CHIC1: variants seen among roughly 807,000 people sequenced by gnomAD.
CHIC1 encodes cysteine-rich hydrophobic domain-containing protein 1.
CHIC1 carries 7 observed loss-of-function variants against 18.5 expected under a neutral mutation model. That is an observed-to-expected ratio of 0.38 (90% CI 0.22 to 0.71). The LOEUF is 0.71. CHIC1 is among the 30% of genes least tolerant of loss of function. CHIC1 has a pLI of 0.49. For missense variants in CHIC1, 159 were observed against 176.9 expected (o/e 0.90, Z 0.57); for synonymous variants, 77 against 73.5 (o/e 1.05, Z -0.25).
intron 3 of CHIC1, among the ~76,000 whole-genome samples, chrX:73,648,802 T>C (rs755979814): frequency 9.0e-6 from 1 of 110,673 alleles, no homozygotes; most frequent in African/African-American, 3.3e-5. Flanking sequence ...CCAGGAGAAA[T>C]TCCCTAACCT....
intron 3 of CHIC1, among the ~76,000 whole-genome samples, chrX:73,671,559 G>C (rs1317768450): frequency 9.0e-6 from 1 of 110,873 alleles, no homozygotes; most frequent in Admixed American, 9.6e-5. Context: ...TATTGTTGAA[G>C]CTCTCTATTG....
At chrX:73,661,446 T>C (rs1324366500) in intron 3 of CHIC1, among the ~76,000 whole-genome samples, 1 of 111,987 alleles carries the variant, frequency 8.9e-6, no homozygotes, top group Non-Finnish European at 1.9e-5. Flanking sequence ...AGTCTCTGGG[T>C]AAGTTGAAAT....
chrX:73,671,174 A>G (rs958079786), intron 3 of CHIC1, among the ~76,000 whole-genome samples: 5 of 111,624 alleles, frequency 4.5e-5, no homozygotes, highest in Non-Finnish European at 9.4e-5. Context: ...CTGTTAGTTG[A>G]TGTGAATTCC....
At chrX:73,637,743 T>G (rs2057837713) in intron 3 of CHIC1, among the ~76,000 whole-genome samples, 1 of 111,677 alleles carries the variant, frequency 9.0e-6, no homozygotes, top group African/African-American at 3.2e-5. Flanking sequence ...TAAATTTTAA[T>G]TTTATCATTT....
chrX:73,667,857 G>A, intron 3 of CHIC1, among the ~76,000 whole-genome samples: 1 of 110,696 alleles, frequency 9.0e-6, no homozygotes, highest in Admixed American at 9.6e-5. Context: ...ATGATCTCGT[G>A]GAGTGTCTTA....
intron 3 of CHIC1, among the ~76,000 whole-genome samples, chrX:73,621,064 GT>G (rs1437040315): frequency 8.9e-6 from 1 of 111,810 alleles, no homozygotes; most frequent in Admixed American, 9.5e-5. Context: ...CTATATATCT[GT>G]TTTTGTACCA....
chrX:73,675,621 G>C (rs1282006249), intron 3 of CHIC1, among the ~76,000 whole-genome samples: 1 of 111,503 alleles, frequency 9.0e-6, no homozygotes, highest in Non-Finnish European at 1.9e-5. Flanking sequence ...GAGCCTATCT[G>C]TGTCTCTGCA....
chrX:73,642,392 A>T (rs1454326686), intron 3 of CHIC1, among the ~76,000 whole-genome samples: 6 of 110,977 alleles, frequency 5.4e-5, no homozygotes, highest in South Asian at 3.8e-4. Flanking sequence ...TAAATTTGTT[A>T]GAGTTCATTG....
intron 3 of CHIC1, among the ~76,000 whole-genome samples, chrX:73,662,383 C>G (rs1409399518): frequency 9.4e-6 from 1 of 105,854 alleles, no homozygotes; most frequent in African/African-American, 3.5e-5. Context: ...CTGGGGGCAT[C>G]TGTCCTGTTA....
intron 3 of CHIC1, among the ~76,000 whole-genome samples, chrX:73,653,807 T>A (rs757783497): frequency 3.6e-5 from 4 of 112,238 alleles, no homozygotes; most frequent in South Asian, 7.3e-4. Flanking sequence ...TCCTAAAAAA[T>A]TTTTTGTATC....
intron 3 of CHIC1, among the ~76,000 whole-genome samples, chrX:73,651,495 C>G (rs1448329883): frequency 1.8e-5 from 2 of 110,950 alleles, no homozygotes. Context: ...GTCTCAGCCA[C>G]AAAACTTCTT....
intron 3 of CHIC1, among the ~76,000 whole-genome samples, chrX:73,596,844 GAC>G (rs2057611525): frequency 1.8e-5 from 2 of 111,487 alleles, no homozygotes; most frequent in Middle Eastern, 4.7e-3. Context: ...ACTGAAACTG[GAC>G]CCCTTCCTTA....
chrX:73,631,900 T>G (rs914841694), intron 3 of CHIC1, among the ~76,000 whole-genome samples: 2 of 112,089 alleles, frequency 1.8e-5, no homozygotes, highest in Non-Finnish European at 3.8e-5. Context: ...AAAATATACT[T>G]GATATGATTT....
chrX:73,618,597 CA>C (rs756135633), intron 3 of CHIC1, among the ~76,000 whole-genome samples: 2 of 111,779 alleles, frequency 1.8e-5, no homozygotes, highest in Non-Finnish European at 3.8e-5. Flanking sequence ...CCATGCAGCC[CA>C]AAAGGCTGGT....
chrX:73,563,949 G>T (rs1334681044), intron 1 of CHIC1, among the ~76,000 whole-genome samples: 1 of 111,595 alleles, frequency 9.0e-6, no homozygotes, highest in Non-Finnish European at 1.9e-5. Flanking sequence ...ATACTTTGTG[G>T]GAAACAGCAA....
rs780869030 is a variant in CHIC1, at chrX:73,682,726, C to A, written c.*1721C>A. On this transcript the variant is annotated 3_prime_UTR_variant, in exon 6 of 6. Coordinates refer to ENST00000373502, the MANE Select transcript of CHIC1 (RefSeq NM_001039840.4). ...CCACTCAGTCACCCCAAATCTCTAA[C>A]CTTTAGTAATGTGTATGCCTGCAAA... 2.7e-5 allele frequency: 3 copies of A among 111,778 alleles called. No individual in the cohort carries two copies. The South Asian group carries it at 1.1e-3, about 42-fold the overall frequency. The allele number at this position is 111,778 out of a possible 1,213,427, so 9.2% of individuals were successfully genotyped here.
rs1363996735 is a variant in CHIC1 at position 73,686,558 on chromosome X, TG to T, written c.*5554del. 8.9e-6 allele frequency: 1 copy of T among 112,199 alleles called. No individual in the cohort carries two copies. Among genetic ancestry groups the T allele is most frequent in the African/African-American group, 3.2e-5 (1 of 30,957 alleles). The allele number at this position is 112,199 out of a possible 1,213,427, so 9.2% of individuals were successfully genotyped here. ...TTTCTCAAATGTTCTTTTATTTCTT[TG>T]TTTTTATCTCGACTTTTTATTTTCC... is the stretch of plus-strand genomic sequence containing the variant. On this transcript the variant is annotated 3_prime_UTR_variant, in exon 6 of 6. Transcript: ENST00000373502.
chrX:73,581,186 T>C (rs978281731), intron 2 of CHIC1, among the ~76,000 whole-genome samples: 1 of 110,716 alleles, frequency 9.0e-6, no homozygotes, highest in South Asian at 3.7e-4. Flanking sequence ...AGCTGATTGA[T>C]AGGGTTGTGT....
intron 2 of CHIC1, among the ~76,000 whole-genome samples, chrX:73,577,729 A>G (rs1487403487): frequency 1.8e-5 from 2 of 110,417 alleles, no homozygotes; most frequent in African/African-American, 6.5e-5. Flanking sequence ...CAGCATAGGT[A>G]GCTATAATTG....
Sources: gnomAD v4.1 joint callset for allele counts (sites outside exome capture counted in the v4.1 genomes callset) on GRCh38, gnomAD v4.1.1 for gene constraint, MANE v1.5 for transcripts, NCBI Gene and HGNC (gene_info 2026-07-23, HGNC 2026-07-21) for gene names.